PTCH1: variants seen among roughly 807,000 people sequenced by gnomAD.
PTCH1 encodes the protein patched 1.
PTCH1 carries 14 observed loss-of-function variants against 144.6 expected under a neutral mutation model. The observed-to-expected ratio is 0.10, with a 90% confidence interval of 0.06 to 0.15. The LOEUF (loss-of-function observed/expected upper bound fraction) is 0.15, where lower values mean the gene tolerates loss of function less well. PTCH1 is among the 10% of genes least tolerant of loss of function. The probability of loss-of-function intolerance (pLI) is 1.00; values close to 1 mark genes in which losing one functional copy is unlikely to be tolerated. For synonymous variants in PTCH1, 833 were observed against 793.6 expected (o/e 1.05, Z -0.83); for missense variants, 1,623 against 1,948.3 (o/e 0.83, Z 3.14).
chr9:95,513,636 CT>C (rs1239232459), upstream of PTCH1, among the ~76,000 whole-genome samples: 2 of 152,034 alleles, frequency 1.3e-5, no homozygotes, highest in Non-Finnish European at 2.9e-5. Context: ...CTAAGAATGC[CT>C]TACTATTTTC....
At chr9:95,464,164 C>T in intron 15 of PTCH1, among the ~76,000 whole-genome samples, 1 of 152,198 alleles carries the variant, frequency 6.6e-6, no homozygotes, top group East Asian at 1.9e-4. Flanking sequence ...ACGAAACAGT[C>T]ATCGACTTTC....
chr9:95,506,871 G>C (rs1843701137), intron 1 of PTCH1: 4 of 1,172,720 alleles, frequency 3.4e-6, no homozygotes, highest in Non-Finnish European at 4.2e-6. Flanking sequence ...GGGCACTGGG[G>C]CTGCAATACA....
rs1839205127 is a variant in PTCH1 at position 95,458,899 on chromosome 9, C to T, written c.2888-606G>A. 6.6e-6 allele frequency among the ~76,000 whole-genome samples: 1 copy of T among 152,152 alleles called. No individual in the cohort carries two copies. Among genetic ancestry groups the T allele is most frequent in the South Asian group, 2.1e-4 (1 of 4,830 alleles). On this transcript the variant is annotated intron_variant, in intron 17 of 23. Transcript: ENST00000331920. This position sits in a 1 kb window ranked among gnomAD's most constrained non-coding sequence, Gnocchi z 4.7. The stretch of plus-strand genomic sequence containing the variant: ...AACTATAAATTTTCATTAAGACAAG[C>T]CTTGGCTGCCTGCCACAGGGCTCTG...
chr9:95,504,807 C>T (rs912721441), intron 2 of PTCH1, among the ~76,000 whole-genome samples: 4 of 152,154 alleles, frequency 2.6e-5, no homozygotes, highest in Non-Finnish European at 4.4e-5. Flanking sequence ...GCTGTGAACC[C>T]AAATGTAGTC....
chr9:95,491,233 G>C (rs1842388323), intron 2 of PTCH1, among the ~76,000 whole-genome samples: 2 of 152,108 alleles, frequency 1.3e-5, no homozygotes, highest in African/African-American at 4.8e-5. Flanking sequence ...TTTGATCATT[G>C]CTGCTCCTCC....
chr9:95,463,565 C>T (rs1275232905), intron 15 of PTCH1, among the ~76,000 whole-genome samples: 5 of 152,288 alleles, frequency 3.3e-5, no homozygotes, highest in South Asian at 4.1e-4. Flanking sequence ...AGGGAGGCCT[C>T]GTCTGTTTTC....
At chr9:95,511,622 A>G (rs1004170369), upstream of PTCH1, among the ~76,000 whole-genome samples, 16 of 152,228 alleles carry the variant, frequency 1.1e-4, no homozygotes, top group Admixed American at 9.2e-4. Flanking sequence ...GGCGGGCAGC[A>G]TGCGAGGAAA....
Position 95,449,181 on chromosome 9 carries a change from A to C in PTCH1, c.3692T>G (p.Val1231Gly). ...CCGAAGCTCCTCGCTGAGGCCTGACACTGTCGTCTGGGAACTATACTCCGA... is the reference window on the plus strand; with the variant it reads ...CCGAAGCTCCTCGCTGAGGCCTGACCCTGTCGTCTGGGAACTATACTCCGA... ...SDSEYSSQTTVSGLSEELRHY... is the reference protein window; with the variant it reads ...SDSEYSSQTTGSGLSEELRHY... The change falls in exon 22 of 24, where the codon GTG becomes GGG. Residue 1231 changes from valine to glycine, a missense_variant. Coordinates refer to ENST00000331920, the MANE Select transcript of PTCH1 (RefSeq NM_000264.5). This position sits in a 1 kb window ranked among gnomAD's most constrained non-coding sequence, Gnocchi z 5.3. 1 of 1,612,386 alleles carries C rather than the reference A, an allele frequency of 6.2e-7. No individual in the cohort carries two copies. Among genetic ancestry groups the C allele is most frequent in the Non-Finnish European group, 8.5e-7 (1 of 1,179,276 alleles).
chr9:95,479,628 T>G (rs2118377069), intron 7 of PTCH1, among the ~76,000 whole-genome samples: 1 of 152,320 alleles, frequency 6.6e-6, no homozygotes, highest in South Asian at 2.1e-4. Flanking sequence ...TCTATGACAC[T>G]GTGCAGCTCG....
chr9:95,449,800 C>A lies in PTCH1; in HGVS notation c.3549+41G>T. The A allele has an allele frequency of 6.5e-7, 1 of 1,544,764 alleles. No individual in the cohort carries two copies. Among genetic ancestry groups the A allele is most frequent in the Non-Finnish European group, 8.9e-7 (1 of 1,118,094 alleles). On this transcript the variant is annotated intron_variant, in intron 21 of 23. Coordinates refer to ENST00000331920, the MANE Select transcript of PTCH1 (RefSeq NM_000264.5). The surrounding 1 kb of genome is among the most constrained non-coding windows in gnomAD (Gnocchi z 5.3). ...AGAGCGGCACAGGAAACACAGCATTCAGCCGGCCTACACGTGGGACATCCC... is the reference window on the plus strand; with the variant it reads ...AGAGCGGCACAGGAAACACAGCATTAAGCCGGCCTACACGTGGGACATCCC...
chr9:95,491,381 G>A (rs578210036), intron 2 of PTCH1, among the ~76,000 whole-genome samples: 86 of 152,268 alleles, frequency 5.6e-4, no homozygotes, highest in African/African-American at 1.5e-3. Flanking sequence ...GGTTGCTGAG[G>A]ATAACAGGGA....
At position 95,447,291 on chromosome 9, in the gene PTCH1, G is replaced by A. The variant is rs1054532927; in HGVS notation, c.3965C>T (p.Ala1322Val). 1.9e-6 allele frequency: 3 copies of A among 1,613,068 alleles called. No homozygotes were observed. The change falls in exon 23 of 24, where the codon GCT (alanine) becomes GTT (valine). Residue 1322 changes from alanine to valine, a missense_variant. Ala to Val is a moderately conservative substitution (Grantham distance 64). Coordinates refer to ENST00000331920, the MANE Select transcript of PTCH1 (RefSeq NM_000264.5). ...ATGCCCTTCAGTAGAAATTTCAAAA[G>A]CGTCTCTGCGCGGTCTGTAGGGGGG... Reference protein sequence around the residue: ...WPPPYRPRRDAFEISTEGHSG... With the variant: ...WPPPYRPRRDVFEISTEGHSG...
At position 95,443,646 on chromosome 9, in the gene PTCH1, G is replaced by A. The variant is rs1241152519; in HGVS notation, c.*2747C>T. The stretch of plus-strand genomic sequence containing the variant: ...TGCTGTAATTTACAATGAAAACTGT[G>A]CCCACTCATGTCTCAGCAAAGTTCC... On this transcript the variant is annotated 3_prime_UTR_variant, in exon 24 of 24. Transcript: ENST00000331920. The A allele has an allele frequency of 6.6e-6, 1 of 152,480 alleles. No homozygotes were observed. Among genetic ancestry groups the A allele is most frequent in the African/African-American group, 2.4e-5 (1 of 41,400 alleles). The allele number at this position is 152,480 out of a possible 1,614,324, so 9.4% of individuals were successfully genotyped here.
At chr9:95,455,822 C>G (rs1838868730) in intron 19 of PTCH1, among the ~76,000 whole-genome samples, 1 of 152,214 alleles carries the variant, frequency 6.6e-6, no homozygotes. Context: ...GCCAGCTCAC[C>G]TCATCCTCAG....
intron 1 of PTCH1, chr9:95,507,489 A>C (rs1343071381): frequency 1.0e-6 from 1 of 965,744 alleles, no homozygotes; most frequent in Non-Finnish European, 1.2e-6. Flanking sequence ...TCGCACCGCG[A>C]ATTTAAGGTG....
At chr9:95,514,342 T>C (rs1396560983) in intron 1 of PTCH1, 1 of 152,254 alleles carries the variant, frequency 6.6e-6, no homozygotes, top group African/African-American at 2.4e-5. Context: ...GTCTAATATA[T>C]CTCTATCAAG....
At chr9:95,450,023 G>A in intron 20 of PTCH1, 83 bp from the exon 21 acceptor site, 11 of 1,256,024 alleles carry the variant, frequency 8.8e-6, no homozygotes, top group South Asian at 1.2e-5. Flanking sequence ...CAGCAGCATG[G>A]CAACGCCAGA....
intron 16 of PTCH1, among the ~76,000 whole-genome samples, chr9:95,461,435 C>T (rs1268059296): frequency 1.3e-5 from 2 of 152,212 alleles, no homozygotes; most frequent in Non-Finnish European, 2.9e-5. Context: ...CCACCTACCC[C>T]AAATTCTGCT....
At chr9:95,490,556 C>CACACACACAA (rs745936852) in intron 2 of PTCH1, among the ~76,000 whole-genome samples, 5 of 141,056 alleles carry the variant, frequency 3.5e-5, no homozygotes, top group African/African-American at 5.3e-5. Flanking sequence ...CACACACACA[C>CACACACACAA]AAAAGAAAGA....
Sources: gnomAD v4.1 joint callset for allele counts (sites outside exome capture counted in the v4.1 genomes callset) on GRCh38, gnomAD v4.1.1 for gene constraint, Gnocchi (gnomAD v3.1) non-coding constraint, MANE v1.5 for transcripts, NCBI Gene and HGNC (gene_info 2026-07-23, HGNC 2026-07-21) for gene names.